HAUS8: variants seen among roughly 807,000 people sequenced by gnomAD.
The protein encoded by HAUS8 is HAUS augmin-like complex subunit 8.
In HAUS8, 38 loss-of-function variants were observed where a neutral mutation model predicts 42.9. That is an observed-to-expected ratio of 0.89 (90% CI 0.68 to 1.16). The LOEUF (loss-of-function observed/expected upper bound fraction) is 1.16, where lower values mean the gene tolerates loss of function less well. Ranked by LOEUF, HAUS8 falls within the 50% of genes most tolerant of loss-of-function variation. The pLI is 0.00. For synonymous variants in HAUS8, 199 were observed against 205.8 expected, an observed-to-expected ratio of 0.97 and a Z score of 0.28; for missense variants, 494 against 511.6, an observed-to-expected ratio of 0.97 and a Z score of 0.33.
intron 9 of HAUS8, 54 bp downstream of exon 9, chr19:17,055,807 C>A: frequency 6.5e-7 from 1 of 1,548,680 alleles, no homozygotes; most frequent in Non-Finnish European, 8.7e-7. Flanking sequence ...GAAGCACCCA[C>A]ACACGCTCCT....
At chr19:17,068,923 C>T (rs1194817808) in intron 3 of HAUS8, 108 bp downstream of exon 3, 2 of 955,080 alleles carry the variant, frequency 2.1e-6, no homozygotes, top group Non-Finnish European at 3.3e-6. Context: ...TCCCAAAATG[C>T]TTCCTTCAGG....
intron 1 of HAUS8, chr19:17,075,087 T>A: frequency 2.1e-6 from 1 of 475,386 alleles, no homozygotes; most frequent in Non-Finnish European, 3.8e-6. Context: ...ACGCGACGCC[T>A]ACGAGGTTGA....
chr19:17,059,973 GA>G (rs1568637402), intron 5 of HAUS8, 23 bp downstream of exon 5: 7 of 1,537,868 alleles, frequency 4.6e-6, no homozygotes, highest in African/African-American at 4.1e-5. Context: ...GTGAGTGACA[GA>G]AGGGGTGAAA....
chr19:17,055,331 T>G (rs1599972386), intron 9 of HAUS8, among the ~76,000 whole-genome samples: 1 of 76,398 alleles, frequency 1.3e-5, no homozygotes, highest in East Asian at 3.0e-4. Context: ...CACAGCAAGA[T>G]GCTGTCTCAA....
rs370396317 is a variant in HAUS8, at chr19:17,073,395, G to C, written c.30-60C>G. 185 of 1,495,856 alleles carry C rather than the reference G, an allele frequency of 1.2e-4. No homozygotes were observed. In the African/African-American group the frequency reaches 2.3e-3, roughly 19 times the overall value. 92.7% of individuals were successfully genotyped at this position (1,495,856 alleles called of 1,614,324 possible). On this transcript the variant is annotated intron_variant, in intron 1 of 10. Transcript: ENST00000253669. ...ACTACCCAAGAAGCACAGGGAAGCC[G>C]GCGAGGTGCCTCTGCTAGTTGAAGC...
rs201196200 is a variant in HAUS8 at position 17,075,295 on chromosome 19, C to G, written c.29+99G>C. 6 of 1,376,278 alleles carry G rather than the reference C, an allele frequency of 4.4e-6. No individual in the cohort carries two copies. The African/African-American group carries it at 8.5e-5, about 20-fold the overall frequency. 85.3% of individuals were successfully genotyped at this position (1,376,278 alleles called of 1,614,324 possible). A position where few individuals can be genotyped will look rare whatever the true frequency, so the allele number is the denominator to read the frequency against. ...CGCGCAGTTCCTGGCGGGGTCGAAC[C>G]CGAACTCACCCCGAGGGTCCTAACT... is the stretch of plus-strand genomic sequence containing the variant. On this transcript the variant is annotated intron_variant, in intron 1 of 10. Coordinates refer to ENST00000253669, the MANE Select transcript of HAUS8 (RefSeq NM_033417.2).
chr19:17,068,916 C>T (rs1474646716), intron 3 of HAUS8, 115 bp downstream of exon 3: 1 of 901,692 alleles, frequency 1.1e-6, no homozygotes, highest in Non-Finnish European at 1.8e-6. Context: ...GTGAAGATCC[C>T]AAAATGCTTC....
At position 17,073,303 on chromosome 19, in the gene HAUS8, C is replaced by G; in HGVS notation, c.62G>C (p.Ser21Thr). The change falls in exon 2 of 11, where the codon AGT (serine) becomes ACT (threonine). Residue 21 changes from serine to threonine, a missense_variant. Physicochemically the swap from Ser to Thr is moderately conservative, Grantham distance 58. Coordinates refer to ENST00000253669, the MANE Select transcript of HAUS8 (RefSeq NM_033417.2). ...KPATGPTNSS[S>T]AKKKDKRVQG... ...AACTCTTTTATCCTTCTTCTTGGCA[C>G]TGCTAGAATTTGTGGGGCCGGTTGC... is the stretch of plus-strand genomic sequence containing the variant. The G allele has an allele frequency of 6.2e-7, 1 of 1,614,064 alleles. No homozygotes were observed. Among genetic ancestry groups the G allele is most frequent in the Non-Finnish European group, 8.5e-7 (1 of 1,179,958 alleles).
intron 3 of HAUS8, among the ~76,000 whole-genome samples, chr19:17,066,263 G>GA (rs968819238): frequency 4.5e-4 from 65 of 144,874 alleles, no homozygotes; most frequent in African/African-American, 7.8e-4. Flanking sequence ...CTTGGCTAAT[G>GA]AAAAAAAAAA....
intron 4 of HAUS8, among the ~76,000 whole-genome samples, chr19:17,060,918 T>C (rs564523957): frequency 1.3e-5 from 2 of 152,330 alleles, no homozygotes; most frequent in East Asian, 3.8e-4. Flanking sequence ...TGTTAGGAAC[T>C]AAGCATGAGA....
Position 17,054,136 on chromosome 19 carries a change from C to T in HAUS8, c.788-1170G>A, listed in dbSNP as rs146161657. On this transcript the variant is annotated intron_variant, in intron 9 of 10. Coordinates refer to ENST00000253669, the MANE Select transcript of HAUS8 (RefSeq NM_033417.2). ...GACAGCCCCTGGAGGGAGCCAATCCCATCAACGCCTTGATTTCAGACTTCT... is the reference window on the plus strand; with the variant it reads ...GACAGCCCCTGGAGGGAGCCAATCCTATCAACGCCTTGATTTCAGACTTCT... 3.8e-3 allele frequency among the ~76,000 whole-genome samples: 574 copies of T among 152,176 alleles called. 1 individual carries two copies. Among genetic ancestry groups the T allele is most frequent in the African/African-American group, 0.013 (542 of 41,504 alleles).
rs2057340905 is a variant in HAUS8 at position 17,058,698 on chromosome 19, T to C, written c.496A>G (p.Asn166Asp). 1 of 1,607,740 alleles carries C rather than the reference T, an allele frequency of 6.2e-7. No homozygotes were observed. The highest frequency in any genetic ancestry group is 1.1e-5 in the South Asian group (1 of 89,874). ...GCCCTTCTTTCAAACTCAGCAAGAT[T>C]GTTCTCCATCTGTTAAATGTGAAAG... ...LTLLSVKMEN[N>D]LAEFERRAEK... The change falls in exon 8 of 11, where the codon AAT becomes GAT. Residue 166 changes from asparagine (N) to aspartate (D), a missense_variant. By Grantham distance (23) the Asn-to-Asp change is conservative. Coordinates refer to ENST00000253669, the MANE Select transcript of HAUS8 (RefSeq NM_033417.2).
At chr19:17,069,849 C>G (rs1342948159) in intron 2 of HAUS8, among the ~76,000 whole-genome samples, 1 of 152,046 alleles carries the variant, frequency 6.6e-6, no homozygotes, top group African/African-American at 2.4e-5. Context: ...ACAGAAGTGG[C>G]CCCAGGAGAC....
intron 8 of HAUS8, among the ~76,000 whole-genome samples, chr19:17,056,311 C>A (rs1263891795): frequency 1.3e-5 from 2 of 152,172 alleles, no homozygotes; most frequent in East Asian, 3.9e-4. Context: ...CCATCCCCGG[C>A]ATGGCCCACT....
intron 3 of HAUS8, among the ~76,000 whole-genome samples, chr19:17,068,328 G>A (rs2057400417): frequency 6.6e-6 from 1 of 151,876 alleles, no homozygotes; most frequent in Non-Finnish European, 1.5e-5. Context: ...TGGCCAGGCT[G>A]GTCTCGAACT....
intron 9 of HAUS8, 24 bp downstream of exon 9, chr19:17,055,837 G>A (rs370767838): frequency 5.6e-5 from 90 of 1,606,338 alleles, no homozygotes; most frequent in Non-Finnish European, 6.9e-5. Flanking sequence ...TGCTGCACAC[G>A]CACTGGGACG....
chr19:17,073,491 G>A, intron 1 of HAUS8, 156 bp from the exon 2 acceptor site: 1 of 715,600 alleles, frequency 1.4e-6, no homozygotes, highest in Admixed American at 2.1e-5. Flanking sequence ...CAGGAAAAGG[G>A]ACACAAGGAG....
chr19:17,075,294 C>T lies in HAUS8; in HGVS notation c.29+100G>A, dbSNP rs190884771. On this transcript the variant is annotated intron_variant, in intron 1 of 10. Coordinates refer to ENST00000253669, the MANE Select transcript of HAUS8 (RefSeq NM_033417.2). The stretch of plus-strand genomic sequence containing the variant: ...CCGCGCAGTTCCTGGCGGGGTCGAA[C>T]CCGAACTCACCCCGAGGGTCCTAAC... 6.7e-5 allele frequency: 91 copies of T among 1,365,914 alleles called. No individual in the cohort carries two copies. In the African/African-American group the frequency reaches 1.2e-3, roughly 19 times the overall value. The allele number at this position is 1,365,914 out of a possible 1,614,324, so 84.6% of individuals were successfully genotyped here. A position where few individuals can be genotyped will look rare whatever the true frequency, so the allele number is the denominator to read the frequency against.
intron 8 of HAUS8, among the ~76,000 whole-genome samples, 163 bp from the exon 9 acceptor site, chr19:17,056,165 A>C (rs1286291314): frequency 1.3e-5 from 2 of 152,194 alleles, no homozygotes; most frequent in African/African-American, 4.8e-5. Flanking sequence ...AGCTCTTCCC[A>C]AGAGAGCCAA....
Sources: allele counts gnomAD v4.1 joint callset (sites outside exome capture counted in the v4.1 genomes callset), GRCh38; gene constraint gnomAD v4.1.1; transcripts MANE v1.5; gene names NCBI Gene and HGNC (gene_info 2026-07-23, HGNC 2026-07-21).